The following GTF2F2 variants were observed in gnomAD, a reference collection of about 807,000 sequenced individuals.
The protein encoded by GTF2F2 is general transcription factor IIF subunit 2.
Under a neutral mutation model 42.2 loss-of-function variants are expected in GTF2F2, and 23 were observed. The observed-to-expected ratio is 0.55, with a 90% CI of 0.39 to 0.77. The LOEUF is 0.77. Ranked by LOEUF, GTF2F2 falls within the 30% of genes least tolerant of loss-of-function variation. The probability of loss-of-function intolerance (pLI) is 0.00; values close to 1 mark genes in which losing one functional copy is unlikely to be tolerated. For missense variants in GTF2F2, 261 were observed against 287.2 expected, an observed-to-expected ratio of 0.91 and a Z score of 0.66; for synonymous variants, 105 against 100.8, an observed-to-expected ratio of 1.04 and a Z score of -0.25.
rs560361222 is a variant in GTF2F2, at chr13:45,187,208, A to G, written c.305-20216A>G. 7.2e-5 allele frequency among the ~76,000 whole-genome samples: 11 copies of G among 152,258 alleles called. No individual in the cohort carries two copies. In the East Asian group the frequency reaches 2.1e-3, roughly 29 times the overall value. On this transcript the variant is annotated intron_variant, in intron 4 of 7. Transcript: ENST00000340473. Reference sequence around the variant, plus strand: ...AGTTTGAGACCAGCCTGGGCAACAAAGTGAGACTCCATCTCTATGAAAGTA... The same window carrying G: ...AGTTTGAGACCAGCCTGGGCAACAAGGTGAGACTCCATCTCTATGAAAGTA...
intron 2 of GTF2F2, 71 bp from the exon 3 acceptor site, chr13:45,149,699 A>G: frequency 7.3e-7 from 1 of 1,378,628 alleles, no homozygotes; most frequent in Non-Finnish European, 9.7e-7. Flanking sequence ...TTTTTTTTTA[A>G]GCTCTTAACT....
intron 7 of GTF2F2, 34 bp downstream of exon 7, chr13:45,267,410 G>T: frequency 1.4e-6 from 2 of 1,438,474 alleles, no homozygotes; most frequent in Non-Finnish European, 1.9e-6. Flanking sequence ...CTTTGAATAT[G>T]CCCTCCTTCA....
rs145093456 is a variant in GTF2F2, at chr13:45,155,300, G to A, written c.304+3469G>A. On this transcript the variant is annotated intron_variant, in intron 4 of 7. Coordinates refer to ENST00000340473, the MANE Select transcript of GTF2F2 (RefSeq NM_004128.3). ...ATATAAATGAAGTAGGCATTATCTG[G>A]GATATTTCTACATTTTCTATCAAGT... is the stretch of plus-strand genomic sequence containing the variant. Among the ~76,000 whole-genome samples, 342 of 152,162 alleles carry A rather than the reference G, an allele frequency of 2.2e-3. 5 individuals are homozygous for A. The highest frequency in any genetic ancestry group is 7.8e-3 in the African/African-American group (323 of 41,500).
intron 5 of GTF2F2, among the ~76,000 whole-genome samples, chr13:45,208,404 AT>A (rs1873504118): frequency 6.6e-6 from 1 of 152,132 alleles, no homozygotes; most frequent in South Asian, 2.1e-4. Flanking sequence ...TTCATAGTTT[AT>A]TTTTAATGTG....
intron 2 of GTF2F2, among the ~76,000 whole-genome samples, chr13:45,138,720 A>C (rs985351455): frequency 6.6e-6 from 1 of 152,182 alleles, no homozygotes; most frequent in Admixed American, 6.5e-5. Flanking sequence ...ATCTCAGCTC[A>C]CTGTATCCTC....
chr13:45,180,375 A>G (rs1872091256), intron 4 of GTF2F2, among the ~76,000 whole-genome samples: 1 of 152,178 alleles, frequency 6.6e-6, no homozygotes, highest in Non-Finnish European at 1.5e-5. Flanking sequence ...AGTCTATACT[A>G]TAGACTCATG....
rs186826699 is a variant in GTF2F2, at chr13:45,231,883, A to G, written c.387-20988A>G. On this transcript the variant is annotated intron_variant, in intron 5 of 7. Coordinates refer to ENST00000340473, the MANE Select transcript of GTF2F2 (RefSeq NM_004128.3). Reference sequence around the variant, plus strand: ...GTCACTAATGAAGTAGCCATTTGCTATATTTACTTAGTCACCATAGCAACA... The same window carrying G: ...GTCACTAATGAAGTAGCCATTTGCTGTATTTACTTAGTCACCATAGCAACA... Among the ~76,000 whole-genome samples, 15 of 152,278 alleles carry G rather than the reference A, an allele frequency of 9.9e-5. No homozygotes were observed. The East Asian group carries it at 2.3e-3, about 23-fold the overall frequency.
chr13:45,252,845 T>G, intron 5 of GTF2F2, 26 bp from the exon 6 acceptor site: 1 of 929,496 alleles, frequency 1.1e-6, no homozygotes, highest in South Asian at 1.6e-5. Context: ...ACAAGAGTGT[T>G]AATAATGCCT....
At chr13:45,257,491 T>TA (rs1876150975) in intron 6 of GTF2F2, among the ~76,000 whole-genome samples, 2 of 152,204 alleles carry the variant, frequency 1.3e-5, no homozygotes, top group Non-Finnish European at 2.9e-5. Context: ...ATCCTCCTCT[T>TA]AAATTGACAC....
At chr13:45,272,142 A>G (rs1041757437) in intron 7 of GTF2F2, among the ~76,000 whole-genome samples, 2 of 150,278 alleles carry the variant, frequency 1.3e-5, no homozygotes, top group Non-Finnish European at 3.0e-5. Flanking sequence ...CCAACAGAGC[A>G]TATTGACAGC....
intron 5 of GTF2F2, 36 bp downstream of exon 5, chr13:45,207,541 T>C (rs1467076637): frequency 7.9e-7 from 1 of 1,270,384 alleles, no homozygotes; most frequent in Non-Finnish European, 1.2e-6. Context: ...ATACCTGATA[T>C]TTCCCTTTGG....
At chr13:45,135,214 A>G in intron 1 of GTF2F2, among the ~76,000 whole-genome samples, 1 of 152,080 alleles carries the variant, frequency 6.6e-6, no homozygotes, top group Admixed American at 6.6e-5. Flanking sequence ...TTGGCCTCCC[A>G]AAGTGCTGAG....
rs141168180 is a variant in GTF2F2 at position 45,166,859 on chromosome 13, T to A, written c.304+15028T>A. Among the ~76,000 whole-genome samples, 21 of 152,366 alleles carry A rather than the reference T, an allele frequency of 1.4e-4. No homozygotes were observed. The East Asian group carries it at 4.0e-3, about 29-fold the overall frequency. On this transcript the variant is annotated intron_variant, in intron 4 of 7. Coordinates refer to ENST00000340473, the MANE Select transcript of GTF2F2 (RefSeq NM_004128.3). ...ATTTCTTCCCTGGAATATTGATAAATAATTGAGAAACCAATTTTGTCTTGA... is the reference window on the plus strand; with the variant it reads ...ATTTCTTCCCTGGAATATTGATAAAAAATTGAGAAACCAATTTTGTCTTGA...
At chr13:45,145,804 TG>T (rs1870164249) in intron 2 of GTF2F2, among the ~76,000 whole-genome samples, 1 of 152,192 alleles carries the variant, frequency 6.6e-6, no homozygotes, top group Non-Finnish European at 1.5e-5. Flanking sequence ...CCCCTCAGTG[TG>T]CTGCCACTTT....
At position 45,151,676 on chromosome 13, in the gene GTF2F2, G is replaced by A. The variant is rs376097840; in HGVS notation, c.160-11G>A. Reference sequence around the variant, plus strand: ...AAGTCTGTTATAATCTCTGGTTAATGTGTCTATTAGGTGTCATTTACTTTG... The same window carrying A: ...AAGTCTGTTATAATCTCTGGTTAATATGTCTATTAGGTGTCATTTACTTTG... On this transcript the variant is annotated splice_polypyrimidine_tract_variant and intron_variant, in intron 3 of 7. Coordinates refer to ENST00000340473, the MANE Select transcript of GTF2F2 (RefSeq NM_004128.3). 4.5e-6 allele frequency: 7 copies of A among 1,569,406 alleles called. No individual in the cohort carries two copies. The Admixed American group carries it at 5.1e-5, about 11-fold the overall frequency.
chr13:45,199,462 A>AT (rs1873068379), intron 4 of GTF2F2, among the ~76,000 whole-genome samples: 1 of 152,122 alleles, frequency 6.6e-6, no homozygotes, highest in African/African-American at 2.4e-5. Context: ...TTTCAGGGAA[A>AT]CCTGTGTTTT....
intron 4 of GTF2F2, among the ~76,000 whole-genome samples, chr13:45,185,713 T>C (rs1872387787): frequency 6.6e-6 from 1 of 152,212 alleles, no homozygotes; most frequent in African/African-American, 2.4e-5. Flanking sequence ...TGTATACAAA[T>C]TTTATCAATT....
intron 5 of GTF2F2, chr13:45,221,027 C>T (rs145344341): frequency 4.0e-5 from 6 of 151,800 alleles, no homozygotes; most frequent in Non-Finnish European, 8.8e-5. Context: ...GGCCTAGACC[C>T]CTCTAGACCT....
In GTF2F2 at chr13:45,185,053, G is replaced by C. The variant is rs1189657730; in HGVS notation, c.305-22371G>C. Among the ~76,000 whole-genome samples, 5 of 152,154 alleles carry C rather than the reference G, an allele frequency of 3.3e-5. No homozygotes were observed. In the East Asian group the frequency reaches 9.6e-4, roughly 29 times the overall value. ...GCCTAGGCTGGTCTTGAACTCCTGG[G>C]CTCAAGTGATCCTCCATCCTTGGCC... On this transcript the variant is annotated intron_variant, in intron 4 of 7. Coordinates refer to ENST00000340473, the MANE Select transcript of GTF2F2 (RefSeq NM_004128.3).
Sources: allele counts gnomAD v4.1 joint callset (sites outside exome capture counted in the v4.1 genomes callset), GRCh38; gene constraint gnomAD v4.1.1; transcripts MANE v1.5; gene names NCBI Gene and HGNC (gene_info 2026-07-23, HGNC 2026-07-21).